Variants in KAZN observed in about 807,000 individuals in gnomAD.
KAZN encodes kazrin, periplakin interacting protein, also known as kazrin.
A neutral mutation model predicts 87.4 loss-of-function variants in KAZN; 40 were observed. That is an observed-to-expected ratio of 0.46 (90% CI 0.36 to 0.60). The LOEUF is 0.60. KAZN is among the 20% of genes least tolerant of loss of function. The pLI, the probability that KAZN is intolerant of heterozygous loss-of-function variation, is 0.00. For synonymous variants in KAZN, 466 were observed against 458.3 expected (o/e 1.02, Z -0.22); for missense variants, 898 against 1,073.9 (o/e 0.84, Z 2.29).
intron 2 of KAZN, among the ~76,000 whole-genome samples, chr1:14,524,011 T>TGTTTA (rs1553183778): frequency 2.4e-4 from 36 of 149,680 alleles, no homozygotes; most frequent in African/African-American, 8.2e-4. Flanking sequence ...TGTTTTGTTT[T>TGTTTA]GTTTTGTTTT....
At chr1:14,056,540 A>G (rs1480670328) in intron 1 of KAZN, among the ~76,000 whole-genome samples, 1 of 152,254 alleles carries the variant, frequency 6.6e-6, no homozygotes, top group Non-Finnish European at 1.5e-5. Context: ...TTTGATCTCC[A>G]GAATTATAAG....
chr1:14,875,439 G>C (rs1285111986), intron 1 of KAZN, among the ~76,000 whole-genome samples: 1 of 147,730 alleles, frequency 6.8e-6, no homozygotes, highest in African/African-American at 2.5e-5. Context: ...GAGCATGGAA[G>C]CTGAACTCTT....
intron 1 of KAZN, among the ~76,000 whole-genome samples, chr1:14,646,247 A>G (rs1462464745): frequency 6.6e-6 from 1 of 152,172 alleles, no homozygotes; most frequent in Admixed American, 6.5e-5. Context: ...GCTTTACCAT[A>G]AAAAGCTCTG....
chr1:14,736,965 G>A (rs532767057), intron 1 of KAZN, among the ~76,000 whole-genome samples: 53 of 152,244 alleles, frequency 3.5e-4, no homozygotes, highest in African/African-American at 1.2e-3. Context: ...TGAGAGAGCC[G>A]ACTTTCTTAT....
chr1:13,908,883 G>T (rs776812688), intron 1 of KAZN, among the ~76,000 whole-genome samples: 1 of 152,186 alleles, frequency 6.6e-6, no homozygotes, highest in African/African-American at 2.4e-5. Flanking sequence ...ACTTTCGTGA[G>T]CTGGAGAACA....
intron 1 of KAZN, among the ~76,000 whole-genome samples, chr1:14,148,197 T>TTAAAA (rs1557514976): frequency 1.1e-5 from 1 of 93,154 alleles, no homozygotes; most frequent in Non-Finnish European, 2.3e-5. Context: ...AGACCCTGTC[T>TTAAAA]CAAAACAAAA....
intron 8 of KAZN, among the ~76,000 whole-genome samples, chr1:15,085,458 G>A (rs1248692646): frequency 6.6e-6 from 1 of 152,156 alleles, no homozygotes; most frequent in Non-Finnish European, 1.5e-5. Context: ...CTCCTGAGTA[G>A]CTGGGATTAC....
At chr1:14,753,553 C>T (rs1360736135) in intron 1 of KAZN, among the ~76,000 whole-genome samples, 6 of 151,520 alleles carry the variant, frequency 4.0e-5, no homozygotes, top group African/African-American at 1.5e-4. Context: ...ATAGTGAGAC[C>T]CCACCTCTAA....
intron 2 of KAZN, among the ~76,000 whole-genome samples, chr1:14,379,001 G>A (rs140144529): frequency 6.7e-6 from 1 of 149,448 alleles, no homozygotes; most frequent in African/African-American, 2.5e-5. Flanking sequence ...TCTGCTTGAG[G>A]AGAGAAGATG....
At chr1:14,117,344 A>T (rs1351874269) in intron 1 of KAZN, among the ~76,000 whole-genome samples, 1 of 152,154 alleles carries the variant, frequency 6.6e-6, no homozygotes, top group Non-Finnish European at 1.5e-5. Flanking sequence ...AATAAGTCTC[A>T]TGGGAACTGA....
chr1:14,225,752 A>G lies in KAZN; in HGVS notation c.249+45160A>G, dbSNP rs182132354. Among the ~76,000 whole-genome samples the G allele has an allele frequency of 6.6e-5, 10 of 152,318 alleles. No homozygotes were observed. The East Asian group carries it at 1.2e-3, about 18-fold the overall frequency. On this transcript the variant is annotated intron_variant, in intron 2 of 16. Transcript: ENST00000636203. ...TTGATAAAGCCAATAATAACGAGCAATGGGGAAAGGAATGCCTATTCAATA... is the reference window on the plus strand; with the variant it reads ...TTGATAAAGCCAATAATAACGAGCAGTGGGGAAAGGAATGCCTATTCAATA...
intron 1 of KAZN, among the ~76,000 whole-genome samples, chr1:14,847,873 G>A (rs1648969390): frequency 6.6e-6 from 1 of 152,118 alleles, no homozygotes; most frequent in African/African-American, 2.4e-5. Flanking sequence ...CTAGTTTCTT[G>A]GGAGGCTGAG....
At chr1:14,890,906 G>A (rs1006598202) in intron 1 of KAZN, among the ~76,000 whole-genome samples, 2 of 138,694 alleles carry the variant, frequency 1.4e-5, no homozygotes, top group African/African-American at 5.3e-5. Flanking sequence ...TGCAGTAGCC[G>A]GATCTCAGCT....
chr1:14,198,317 G>A (rs1205208991), intron 2 of KAZN, among the ~76,000 whole-genome samples: 1 of 152,124 alleles, frequency 6.6e-6, no homozygotes, highest in Non-Finnish European at 1.5e-5. Flanking sequence ...AGACTTGATG[G>A]GGTCAGGCAT....
intron 1 of KAZN, among the ~76,000 whole-genome samples, chr1:14,147,224 G>A (rs1645372437): frequency 6.6e-6 from 1 of 152,092 alleles, no homozygotes; most frequent in Non-Finnish European, 1.5e-5. Flanking sequence ...TAGTAGTTAA[G>A]TTTCCATGTA....
At chr1:14,818,410 C>T (rs139805792) in intron 1 of KAZN, among the ~76,000 whole-genome samples, 9 of 152,328 alleles carry the variant, frequency 5.9e-5, no homozygotes, top group East Asian at 1.9e-4. Flanking sequence ...AGTGTAATAG[C>T]GCGTTACCCA....
intron 1 of KAZN, chr1:14,924,674 C>T (rs1313487632): frequency 4.4e-5 from 28 of 642,476 alleles, no homozygotes; most frequent in Non-Finnish European, 5.0e-5. Flanking sequence ...ATCGGGAAGC[C>T]GCTGGTGGCA....
At chr1:14,823,480 A>G (rs1042963269) in intron 1 of KAZN, among the ~76,000 whole-genome samples, 20 of 151,908 alleles carry the variant, frequency 1.3e-4, no homozygotes, top group Non-Finnish European at 2.4e-4. Context: ...CCCAAGTAGG[A>G]GGTATTTGGA....
chr1:14,514,986 C>T (rs1163356997), intron 2 of KAZN, among the ~76,000 whole-genome samples: 2 of 152,048 alleles, frequency 1.3e-5, no homozygotes, highest in African/African-American at 4.8e-5. Flanking sequence ...CATAGAGTAT[C>T]CCATTCCTCT....
Sources: gnomAD v4.1 joint callset for allele counts (sites outside exome capture counted in the v4.1 genomes callset) on GRCh38, gnomAD v4.1.1 for gene constraint, MANE v1.5 for transcripts, NCBI Gene and HGNC (gene_info 2026-07-23, HGNC 2026-07-21) for gene names.